The following ADAMTSL1 variants were observed in gnomAD, a reference collection of about 807,000 sequenced individuals.
ADAMTSL1 encodes ADAMTS-like protein 1.
In ADAMTSL1, 126 loss-of-function variants were observed where a neutral mutation model predicts 201.8. The observed-to-expected ratio is 0.62, with a 90% CI of 0.54 to 0.72. The LOEUF is 0.72. Among genes scored for constraint, ADAMTSL1 ranks in the 30% least tolerant of loss-of-function variants. The pLI is 0.00. For synonymous variants in ADAMTSL1, 1,121 were observed against 903.4 expected, an observed-to-expected ratio of 1.24 and a Z score of -4.32; for missense variants, 2,679 against 2,277.8, an observed-to-expected ratio of 1.18 and a Z score of -3.59.
At chr9:18,563,136 C>T (rs1282170885) in intron 3 of ADAMTSL1, among the ~76,000 whole-genome samples, 1 of 152,184 alleles carries the variant, frequency 6.6e-6, no homozygotes, top group Non-Finnish European at 1.5e-5. Context: ...CTGGTTTTTC[C>T]TCATCTTAAT....
At chr9:18,074,328 G>A (rs556902748) in intron 1 of ADAMTSL1, among the ~76,000 whole-genome samples, 11 of 152,258 alleles carry the variant, frequency 7.2e-5, no homozygotes, top group Non-Finnish European at 1.3e-4. Flanking sequence ...AAGATGGAGT[G>A]CATAGAATGG....
intron 13 of ADAMTSL1, among the ~76,000 whole-genome samples, chr9:18,699,828 C>G (rs1831817175): frequency 6.6e-6 from 1 of 152,044 alleles, no homozygotes; most frequent in Non-Finnish European, 1.5e-5. Flanking sequence ...CTGAAGATGC[C>G]TCATAGCCTA....
intron 4 of ADAMTSL1, among the ~76,000 whole-genome samples, chr9:18,577,153 A>G (rs1822787240): frequency 6.6e-6 from 1 of 152,128 alleles, no homozygotes; most frequent in Admixed American, 6.5e-5. Flanking sequence ...GGCCAGATTC[A>G]CTTACAGATT....
chr9:18,721,711 A>T, intron 15 of ADAMTSL1, 46 bp downstream of exon 15: 1 of 1,591,776 alleles, frequency 6.3e-7, no homozygotes, highest in Non-Finnish European at 8.6e-7. Context: ...CACGTACAGA[A>T]CTGGGCGCAT....
chr9:18,162,628 C>T (rs969672675), intron 1 of ADAMTSL1, among the ~76,000 whole-genome samples: 5 of 151,564 alleles, frequency 3.3e-5, no homozygotes, highest in Non-Finnish European at 7.4e-5. Context: ...AAGAGTATAC[C>T]CCTTTCCAAA....
Position 18,305,276 on chromosome 9 carries a change from C to T in ADAMTSL1, c.207+141295C>T, listed in dbSNP as rs541370392. On this transcript the variant is annotated intron_variant, in intron 2 of 29. Transcript: ENST00000680146. ...CCTGGGTTTCAAGCACAAAACTGGGCGGCTGTTTGAGCAGCCACCAAGCTA... is the reference window on the plus strand; with the variant it reads ...CCTGGGTTTCAAGCACAAAACTGGGTGGCTGTTTGAGCAGCCACCAAGCTA... Among the ~76,000 whole-genome samples the T allele has an allele frequency of 1.8e-4, 28 of 152,284 alleles. 1 individual carries two copies. The highest frequency in any genetic ancestry group is 1.9e-4 in the East Asian group (1 of 5,176).
At chr9:18,294,534 G>T (rs1431869338) in intron 2 of ADAMTSL1, among the ~76,000 whole-genome samples, 1 of 152,140 alleles carries the variant, frequency 6.6e-6, no homozygotes, top group Non-Finnish European at 1.5e-5. Context: ...CTTTTTCCAG[G>T]TTTGCACAGA....
intron 1 of ADAMTSL1, among the ~76,000 whole-genome samples, chr9:18,143,924 G>A (rs148315424): frequency 1.3e-5 from 2 of 152,248 alleles, no homozygotes; most frequent in East Asian, 3.9e-4. Flanking sequence ...AAATGGGGAG[G>A]GGGCAGATAA....
intron 13 of ADAMTSL1, among the ~76,000 whole-genome samples, chr9:18,696,876 A>ATTATTATTATTT (rs1444254307): frequency 4.7e-5 from 7 of 148,224 alleles, no homozygotes; most frequent in African/African-American, 1.7e-4. Context: ...TATTATTATT[A>ATTATTATTATTT]TTATTATTAT....
intron 2 of ADAMTSL1, among the ~76,000 whole-genome samples, chr9:18,267,640 T>A (rs1442040640): frequency 6.6e-6 from 1 of 152,018 alleles, no homozygotes; most frequent in African/African-American, 2.4e-5. Context: ...TTGATAAGTG[T>A]TCTAATTGTA....
At chr9:18,327,676 G>A (rs901548487) in intron 2 of ADAMTSL1, among the ~76,000 whole-genome samples, 2 of 152,164 alleles carry the variant, frequency 1.3e-5, no homozygotes, top group African/African-American at 2.4e-5. Context: ...TGTTTTGTTA[G>A]GCAAATGGAC....
chr9:18,686,216 T>C lies in ADAMTSL1; in HGVS notation c.1574+1416T>C, dbSNP rs574682807. On this transcript the variant is annotated intron_variant, in intron 13 of 28. Coordinates refer to ENST00000380548, the MANE Select transcript of ADAMTSL1 (RefSeq NM_001040272.6). ...GATTGCAGGCGTGAGCCACAGCGCC[T>C]GGCCCGGGAAAACACATATTTTTAC... 3.3e-4 allele frequency among the ~76,000 whole-genome samples: 50 copies of C among 152,304 alleles called. No homozygotes were observed. In the East Asian group the frequency reaches 9.2e-3, roughly 28 times the overall value.
At chr9:18,293,914 G>T (rs1833371739) in intron 2 of ADAMTSL1, among the ~76,000 whole-genome samples, 1 of 152,056 alleles carries the variant, frequency 6.6e-6, no homozygotes, top group Admixed American at 6.6e-5. Flanking sequence ...TGGAGGAGGA[G>T]GTGATATATT....
chr9:18,687,160 G>T (rs375278778), intron 13 of ADAMTSL1, among the ~76,000 whole-genome samples: 42 of 152,214 alleles, frequency 2.8e-4, no homozygotes, highest in Admixed American at 9.8e-4. Context: ...GTAATGAAAG[G>T]TATATGGTTT....
chr9:18,485,717 G>C (rs1821956994), intron 1 of ADAMTSL1, among the ~76,000 whole-genome samples: 1 of 152,186 alleles, frequency 6.6e-6, no homozygotes, highest in South Asian at 2.1e-4. Context: ...GGGAAGGTAA[G>C]TTCAAGGAAC....
chr9:18,289,896 C>T (rs1346116733), intron 2 of ADAMTSL1, among the ~76,000 whole-genome samples: 2 of 152,164 alleles, frequency 1.3e-5, no homozygotes, highest in African/African-American at 2.4e-5. Flanking sequence ...AAAACAAATA[C>T]AATGATTGCA....
intron 9 of ADAMTSL1, among the ~76,000 whole-genome samples, chr9:18,671,552 C>T (rs927420595): frequency 6.6e-6 from 1 of 151,978 alleles, no homozygotes; most frequent in Non-Finnish European, 1.5e-5. Context: ...GAATGGTGGT[C>T]GTGATAACAG....
chr9:18,229,061 C>A (rs566492533), intron 2 of ADAMTSL1, among the ~76,000 whole-genome samples: 1 of 151,998 alleles, frequency 6.6e-6, no homozygotes, highest in Non-Finnish European at 1.5e-5. Context: ...AATTATATAG[C>A]ACCATATTTG....
intron 1 of ADAMTSL1, among the ~76,000 whole-genome samples, chr9:18,122,960 A>C (rs748596362): frequency 9.2e-5 from 14 of 151,978 alleles, no homozygotes; most frequent in Non-Finnish European, 1.9e-4. Flanking sequence ...GCTGGTCTTA[A>C]ACTCCTGGGC....
Sources: allele counts gnomAD v4.1 joint callset (sites outside exome capture counted in the v4.1 genomes callset), GRCh38; gene constraint gnomAD v4.1.1; transcripts MANE v1.5; gene names NCBI Gene and HGNC (gene_info 2026-07-23, HGNC 2026-07-21).